Variants in ASH2L observed in about 807,000 individuals in gnomAD.
ASH2L encodes ASH2 like, histone lysine methyltransferase complex subunit.
In ASH2L, 30 loss-of-function variants were observed where a neutral mutation model predicts 81.1. The ratio of observed to expected loss-of-function variants is 0.37; its 90% confidence interval spans 0.28 to 0.50. The LOEUF is 0.50. Among genes scored for constraint, ASH2L ranks in the 20% least tolerant of loss-of-function variants. The pLI is 0.95. For synonymous variants in ASH2L, 273 were observed against 279.9 expected (o/e 0.98, Z 0.24); for missense variants, 559 against 792.1 (o/e 0.71, Z 3.53).
intron 5 of ASH2L, among the ~76,000 whole-genome samples, chr8:38,111,688 TTTC>T (rs1784672579): frequency 6.6e-6 from 1 of 152,156 alleles, no homozygotes; most frequent in Non-Finnish European, 1.5e-5. Context: ...ACCCGGCCCA[TTTC>T]TTCTTAGATT....
intron 14 of ASH2L, among the ~76,000 whole-genome samples, chr8:38,137,343 G>A (rs1452631224): frequency 1.4e-5 from 2 of 139,154 alleles, no homozygotes; most frequent in African/African-American, 5.4e-5. Context: ...TCAGGAGATC[G>A]AGACCATCCT....
intron 9 of ASH2L, among the ~76,000 whole-genome samples, chr8:38,119,600 G>A (rs1469824427): frequency 2.0e-5 from 3 of 152,108 alleles, no homozygotes; most frequent in African/African-American, 4.8e-5. Flanking sequence ...GAGGCCAGGA[G>A]TTTGAGACCA....
rs778367193 is a variant in ASH2L, at chr8:38,105,730, T to C, written c.180T>C (p.Ala60=). 21 of 1,522,546 alleles carry C rather than the reference T, an allele frequency of 1.4e-5. No homozygotes were observed. The South Asian group carries it at 2.6e-4, about 18-fold the overall frequency. 94.3% of individuals were successfully genotyped at this position (1,522,546 alleles called of 1,614,324 possible). ...APTVEPSSGE[A]EGGEANLVDV... is the part of the protein sequence containing the mutation. Reference sequence around the variant, plus strand: ...CAGTTGAGCCCAGTTCCGGGGAGGCTGAAGGCGGGTAAGAGGTCCTGCCGC... The same window carrying C: ...CAGTTGAGCCCAGTTCCGGGGAGGCCGAAGGCGGGTAAGAGGTCCTGCCGC... Residue 60 remains alanine, a synonymous_variant, in exon 1 of 16, where the codon GCT becomes GCC. Coordinates refer to ENST00000343823, the MANE Select transcript of ASH2L (RefSeq NM_004674.5).
At chr8:38,105,882 C>G in intron 1 of ASH2L, 144 bp downstream of exon 1, 6 of 1,441,804 alleles carry the variant, frequency 4.2e-6, no homozygotes, top group Non-Finnish European at 5.4e-6. Flanking sequence ...CCGCTTGGCC[C>G]GTCCCCTCTC....
At chr8:38,112,207 C>T (rs1336343422) in intron 5 of ASH2L, among the ~76,000 whole-genome samples, 2 of 152,154 alleles carry the variant, frequency 1.3e-5, no homozygotes, top group Non-Finnish European at 2.9e-5. Context: ...TGTGGTCTCA[C>T]TAGCTGGTTT....
chr8:38,107,624 TCTC>T (rs748771684), intron 3 of ASH2L, among the ~76,000 whole-genome samples: 1 of 152,122 alleles, frequency 6.6e-6, no homozygotes, highest in Admixed American at 6.6e-5. Flanking sequence ...TATTGTCTAC[TCTC>T]CTCAGCAAAC....
At chr8:38,130,369 G>A (rs1338619241) in intron 12 of ASH2L, among the ~76,000 whole-genome samples, 1 of 147,860 alleles carries the variant, frequency 6.8e-6, no homozygotes, top group African/African-American at 2.5e-5. Flanking sequence ...GCCTCCCAAA[G>A]TGCTAGGATT....
chr8:38,112,083 T>C (rs1476699451), intron 5 of ASH2L, among the ~76,000 whole-genome samples: 1 of 152,148 alleles, frequency 6.6e-6, no homozygotes, highest in East Asian at 1.9e-4. Flanking sequence ...CCCGGCTCAC[T>C]GCAGCCTCAA....
At chr8:38,126,440 T>A (rs2130545686) in intron 10 of ASH2L, among the ~76,000 whole-genome samples, 1 of 152,266 alleles carries the variant, frequency 6.6e-6, no homozygotes, top group East Asian at 1.9e-4. Context: ...GGTCCATGGA[T>A]TATTTAATAG....
At position 38,129,009 on chromosome 8, in the gene ASH2L, T is replaced by A; in HGVS notation, c.1527+58T>A. 2.6e-6 allele frequency: 4 copies of A among 1,568,614 alleles called. No individual in the cohort carries two copies. The South Asian group carries it at 4.8e-5, about 19-fold the overall frequency. ...TTTGAAGGCCTGTGGCAGCCAGTGC[T>A]TATCACTGGCTTGTGTGATCTCTTA... On this transcript the variant is annotated intron_variant, in intron 12 of 15. Transcript: ENST00000343823.
rs1563259774 is a variant in ASH2L at position 38,128,969 on chromosome 8, C to T, written c.1527+18C>T. On this transcript the variant is annotated intron_variant, in intron 12 of 15. Coordinates refer to ENST00000343823, the MANE Select transcript of ASH2L (RefSeq NM_004674.5). Reference sequence around the variant, plus strand: ...AAGATAAGGTGAGTTTGTCCTCTCCCGGCAGATTCCTGGCTTTGAAGGCCT... The same window carrying T: ...AAGATAAGGTGAGTTTGTCCTCTCCTGGCAGATTCCTGGCTTTGAAGGCCT... The T allele has an allele frequency of 5.6e-6, 9 of 1,603,660 alleles. No homozygotes were observed. The highest frequency in any genetic ancestry group is 1.7e-4 in the Middle Eastern group (1 of 6,026).
At chr8:38,106,343 A>T in intron 1 of ASH2L, 35 bp from the exon 2 acceptor site, 1 of 1,604,004 alleles carries the variant, frequency 6.2e-7, no homozygotes, top group Non-Finnish European at 8.5e-7. Flanking sequence ...GTTTGTCTTG[A>T]GAATTCTTAC....
At chr8:38,129,557 C>G (rs1319260109) in intron 12 of ASH2L, among the ~76,000 whole-genome samples, 1 of 152,166 alleles carries the variant, frequency 6.6e-6, no homozygotes, top group African/African-American at 2.4e-5. Flanking sequence ...TTACTGTGAG[C>G]TGTGATCACA....
At position 38,119,384 on chromosome 8, in the gene ASH2L, GC is replaced by G. The variant is rs772905186; in HGVS notation, c.947+27del. 6 of 1,482,898 alleles carry G rather than the reference GC, an allele frequency of 4.0e-6. No homozygotes were observed. The African/African-American group carries it at 5.8e-5, about 14-fold the overall frequency. The allele number at this position is 1,482,898 out of a possible 1,614,324, so 91.9% of individuals were successfully genotyped here. A position where few individuals can be genotyped will look rare whatever the true frequency, so the allele number is the denominator to read the frequency against. ...CGGAGGTGGGGAGAGTGCCCACCCT[GC>G]CCCCCTCACTATTTAAGTATTATTT... On this transcript the variant is annotated intron_variant, in intron 9 of 15. Transcript: ENST00000343823.
intron 9 of ASH2L, 131 bp downstream of exon 9, chr8:38,119,494 C>A: frequency 1.4e-6 from 1 of 720,148 alleles, no homozygotes; most frequent in Non-Finnish European, 2.2e-6. Flanking sequence ...ACCTTGAGCA[C>A]TTTGAGGGAC....
In ASH2L at chr8:38,133,560, A is replaced by G. The variant is rs774304482; in HGVS notation, c.1620+14A>G. ...CCCCATAGTGAGGTGAGTCATGGCCATAAGAACATTAGAATCATAAGGCCT... is the reference window on the plus strand; with the variant it reads ...CCCCATAGTGAGGTGAGTCATGGCCGTAAGAACATTAGAATCATAAGGCCT... On this transcript the variant is annotated intron_variant, in intron 13 of 15. Transcript: ENST00000343823. 3.2e-6 allele frequency: 5 copies of G among 1,574,932 alleles called. No homozygotes were observed. In the African/African-American group the frequency reaches 4.1e-5, roughly 13 times the overall value.
chr8:38,128,202 A>T, intron 10 of ASH2L, 89 bp from the exon 11 acceptor site: 1 of 1,481,328 alleles, frequency 6.8e-7, no homozygotes, highest in Admixed American at 2.0e-5. Flanking sequence ...TGATTTTTAA[A>T]TTGTTTTATT....
In ASH2L at chr8:38,137,313, G is replaced by A. The variant is rs191488851; in HGVS notation, c.1720-1503G>A. Among the ~76,000 whole-genome samples, 54 of 150,316 alleles carry A rather than the reference G, an allele frequency of 3.6e-4. 1 individual carries two copies. In the East Asian group the frequency reaches 9.6e-3, roughly 27 times the overall value. ...TGTAATCCCAGCACTTTGGGAGGCCGAGGCGGGCCGATCATGAGGTCAGGA... is the reference window on the plus strand; with the variant it reads ...TGTAATCCCAGCACTTTGGGAGGCCAAGGCGGGCCGATCATGAGGTCAGGA... On this transcript the variant is annotated intron_variant, in intron 14 of 15. Coordinates refer to ENST00000343823, the MANE Select transcript of ASH2L (RefSeq NM_004674.5).
intron 7 of ASH2L, among the ~76,000 whole-genome samples, chr8:38,116,148 A>C (rs1810886188): frequency 6.6e-6 from 1 of 152,116 alleles, no homozygotes; most frequent in Non-Finnish European, 1.5e-5. Context: ...GGATCACCTG[A>C]GGTCAGGAGT....
Sources: allele counts gnomAD v4.1 joint callset (sites outside exome capture counted in the v4.1 genomes callset), GRCh38; gene constraint gnomAD v4.1.1; transcripts MANE v1.5; gene names NCBI Gene and HGNC (gene_info 2026-07-23, HGNC 2026-07-21).